Variants in BNC2 observed in about 807,000 individuals in gnomAD.
BNC2 encodes basonuclin zinc finger protein 2.
In BNC2, 20 loss-of-function variants were observed where a neutral mutation model predicts 76.3. The observed-to-expected ratio is 0.26, with a 90% CI of 0.18 to 0.38. The LOEUF (loss-of-function observed/expected upper bound fraction) is 0.38, where lower values mean the gene tolerates loss of function less well. Among genes scored for constraint, BNC2 ranks in the 10% least tolerant of loss-of-function variants. The pLI is 1.00. For synonymous variants in BNC2, 582 were observed against 514.8 expected, an observed-to-expected ratio of 1.13 and a Z score of -1.77; for missense variants, 1,382 against 1,399.8, an observed-to-expected ratio of 0.99 and a Z score of 0.20.
At chr9:16,633,251 G>A (rs182769726) in intron 3 of BNC2, among the ~76,000 whole-genome samples, 165 of 152,302 alleles carry the variant, frequency 1.1e-3, no homozygotes, top group South Asian at 1.0e-3. Context: ...CGATGGCCCT[G>A]TACCAAAGAA....
At chr9:16,721,585 G>C (rs941664694) in intron 3 of BNC2, among the ~76,000 whole-genome samples, 1 of 152,058 alleles carries the variant, frequency 6.6e-6, no homozygotes, top group Admixed American at 6.6e-5. Context: ...CCACAAAAGC[G>C]TACCACCAAA....
intron 1 of BNC2, among the ~76,000 whole-genome samples, chr9:16,862,052 T>TTA (rs1173323339): frequency 6.6e-6 from 1 of 151,214 alleles, no homozygotes; most frequent in African/African-American, 2.4e-5. Flanking sequence ...ACTGGAAGAA[T>TTA]TATACACTAT....
intron 1 of BNC2, among the ~76,000 whole-genome samples, chr9:16,779,070 G>C (rs1826046234): frequency 7.3e-6 from 1 of 137,660 alleles, no homozygotes. Context: ...CTTGCGGTCA[G>C]GAGTTCAAGA....
intron 5 of BNC2, among the ~76,000 whole-genome samples, chr9:16,477,365 G>A (rs1821949598): frequency 1.3e-5 from 2 of 151,368 alleles, no homozygotes; most frequent in African/African-American, 4.9e-5. Flanking sequence ...ATAACAATGT[G>A]ACAAGGAGAT....
intron 5 of BNC2, among the ~76,000 whole-genome samples, chr9:16,490,517 T>C (rs754192865): frequency 1.5e-4 from 23 of 152,288 alleles, no homozygotes; most frequent in Non-Finnish European, 2.8e-4. Flanking sequence ...AATACACACC[T>C]TTATTAGTAG....
chr9:16,488,410 GA>G (rs1403861677), intron 5 of BNC2, among the ~76,000 whole-genome samples: 4 of 152,114 alleles, frequency 2.6e-5, no homozygotes, highest in Non-Finnish European at 2.9e-5. Context: ...TACACTAATG[GA>G]AAAATTATAC....
intron 1 of BNC2, among the ~76,000 whole-genome samples, chr9:16,863,263 G>C (rs1437894239): frequency 2.6e-5 from 4 of 152,300 alleles, no homozygotes; most frequent in Non-Finnish European, 4.4e-5. Context: ...CAAAAGGCTG[G>C]GGCATAGCCC....
chr9:16,603,113 C>T (rs1312130508), intron 3 of BNC2, among the ~76,000 whole-genome samples: 1 of 152,126 alleles, frequency 6.6e-6, no homozygotes, highest in Non-Finnish European at 1.5e-5. Context: ...AATTGTCAAA[C>T]CAGTAATAGA....
chr9:16,728,698 G>A (rs1321308020), intron 2 of BNC2, among the ~76,000 whole-genome samples: 2 of 151,658 alleles, frequency 1.3e-5, no homozygotes, highest in African/African-American at 4.8e-5. Context: ...ACATAGAGAT[G>A]TGACCTTATA....
chr9:16,605,649 C>T (rs943964544), intron 3 of BNC2, among the ~76,000 whole-genome samples: 2 of 152,130 alleles, frequency 1.3e-5, no homozygotes, highest in African/African-American at 4.8e-5. Flanking sequence ...CTCAAAGTGA[C>T]AACTTCAGAA....
At chr9:16,675,322 T>C (rs1162036262) in intron 3 of BNC2, among the ~76,000 whole-genome samples, 1 of 152,092 alleles carries the variant, frequency 6.6e-6, no homozygotes, top group African/African-American at 2.4e-5. Context: ...TAATGTGATA[T>C]CGACTCACCA....
intron 1 of BNC2, among the ~76,000 whole-genome samples, chr9:16,820,074 G>A (rs1318291792): frequency 2.8e-4 from 38 of 135,226 alleles, no homozygotes; most frequent in African/African-American, 3.7e-4. Context: ...GCAGTGAGCC[G>A]AGATCATGCC....
intron 3 of BNC2, among the ~76,000 whole-genome samples, chr9:16,697,887 A>G (rs1200127554): frequency 1.3e-5 from 2 of 152,168 alleles, no homozygotes; most frequent in Non-Finnish European, 2.9e-5. Context: ...AAAGTCAGTC[A>G]TCAGCCCATT....
intron 3 of BNC2, among the ~76,000 whole-genome samples, chr9:16,681,553 G>A (rs1034422397): frequency 6.6e-6 from 1 of 152,032 alleles, no homozygotes; most frequent in Admixed American, 6.6e-5. Context: ...TCTTGGAGAA[G>A]ATGAAAAGAC....
chr9:16,718,587 T>G (rs1203787364), intron 3 of BNC2, among the ~76,000 whole-genome samples: 1 of 152,200 alleles, frequency 6.6e-6, no homozygotes, highest in Non-Finnish European at 1.5e-5. Context: ...TGAAGTAAGC[T>G]GTAGTCTCCC....
chr9:16,773,405 A>G (rs965171519), intron 1 of BNC2, among the ~76,000 whole-genome samples: 1 of 151,996 alleles, frequency 6.6e-6, no homozygotes, highest in African/African-American at 2.4e-5. Context: ...CACTGCTTAC[A>G]TGGAACACTT....
chr9:16,644,923 T>G (rs1357746482), intron 3 of BNC2, among the ~76,000 whole-genome samples: 2 of 152,196 alleles, frequency 1.3e-5, no homozygotes, highest in African/African-American at 4.8e-5. Context: ...TAGAAACTGT[T>G]CCAAAGTACA....
At chr9:16,804,706 A>C (rs1012609487) in intron 1 of BNC2, among the ~76,000 whole-genome samples, 4 of 152,198 alleles carry the variant, frequency 2.6e-5, no homozygotes, top group African/African-American at 4.8e-5. Context: ...CAAATGGTGC[A>C]TTTATTTCAC....
chr9:16,454,323 G>A (rs1225671296), intron 5 of BNC2, among the ~76,000 whole-genome samples: 2 of 147,498 alleles, frequency 1.4e-5, no homozygotes, highest in African/African-American at 2.6e-5. Context: ...TAATTTTAGA[G>A]AGAGGGTCTC....
Sources: gnomAD v4.1 joint callset for allele counts (sites outside exome capture counted in the v4.1 genomes callset) on GRCh38, gnomAD v4.1.1 for gene constraint, MANE v1.5 for transcripts, NCBI Gene and HGNC (gene_info 2026-07-23, HGNC 2026-07-21) for gene names.